EPS15: variants seen among roughly 807,000 people sequenced by gnomAD.
EPS15 encodes epidermal growth factor receptor substrate 15.
Under a neutral mutation model 113.8 loss-of-function variants are expected in EPS15, and 72 were observed. The ratio of observed to expected loss-of-function variants is 0.63; its 90% CI spans 0.52 to 0.77. The LOEUF (loss-of-function observed/expected upper bound fraction) is 0.77, where lower values mean the gene tolerates loss of function less well. Among genes scored for constraint, EPS15 ranks in the 30% least tolerant of loss-of-function variants. The pLI, the probability that EPS15 is intolerant of heterozygous loss-of-function variation, is 0.00. For synonymous variants in EPS15, 344 were observed against 363.4 expected (o/e 0.95, Z 0.61); for missense variants, 1,048 against 1,045.8 (o/e 1.00, Z -0.03).
intron 1 of EPS15, among the ~76,000 whole-genome samples, chr1:51,500,520 G>T (rs978589167): frequency 1.3e-5 from 2 of 151,968 alleles, no homozygotes; most frequent in African/African-American, 4.8e-5. Flanking sequence ...TGTGGTTTTT[G>T]TTTGTTTTGT....
intron 12 of EPS15, among the ~76,000 whole-genome samples, chr1:51,422,780 GC>G (rs1265954608): frequency 6.6e-6 from 1 of 152,198 alleles, no homozygotes; most frequent in Non-Finnish European, 1.5e-5. Flanking sequence ...GAGAGAAAAA[GC>G]TCAAAGAATT....
intron 21 of EPS15, chr1:51,372,975 C>T (rs2148364699): frequency 4.7e-6 from 2 of 429,568 alleles, no homozygotes; most frequent in East Asian, 8.0e-5. Context: ...CAGACATCAG[C>T]CTGCAGCAGT....
chr1:51,354,837 TA>T lies in EPS15; in HGVS notation c.*1862del. 1 of 200,830 alleles carries T rather than the reference TA, an allele frequency of 5.0e-6. No individual in the cohort carries two copies. Among genetic ancestry groups the T allele is most frequent in the East Asian group, 7.7e-5 (1 of 13,000 alleles). 12.4% of individuals were successfully genotyped at this position (200,830 alleles called of 1,614,324 possible). A position where few individuals can be genotyped will look rare whatever the true frequency, so the allele number is the denominator to read the frequency against. ...ATTTATTACATTGAAAGTTGGTGTT[TA>T]TAAGTTATAGATATTTAATATTTGA... On this transcript the variant is annotated 3_prime_UTR_variant, in exon 25 of 25. Coordinates refer to ENST00000371733, the MANE Select transcript of EPS15 (RefSeq NM_001981.3).
chr1:51,408,040 G>C, intron 15 of EPS15, 95 bp downstream of exon 15: 1 of 1,045,534 alleles, frequency 9.6e-7, no homozygotes, highest in Non-Finnish European at 1.5e-6. Flanking sequence ...CAGTAAACTA[G>C]GCAAGAGGTT....
At position 51,381,886 on chromosome 1, in the gene EPS15, A is replaced by G. The variant is rs960611073; in HGVS notation, c.2119+12495T>C. On this transcript the variant is annotated intron_variant, in intron 21 of 24. Coordinates refer to ENST00000371733, the MANE Select transcript of EPS15 (RefSeq NM_001981.3). ...GCTCAAATCAACAACCTAACTTTAC[A>G]CTGTAAAGGACCTAAAAAAAGAAAA... 3.3e-5 allele frequency among the ~76,000 whole-genome samples: 5 copies of G among 152,266 alleles called. No homozygotes were observed. In the East Asian group the frequency reaches 9.6e-4, roughly 29 times the overall value.
chr1:51,366,543 AAAGT>A (rs1245399173), intron 21 of EPS15, among the ~76,000 whole-genome samples: 8 of 152,214 alleles, frequency 5.3e-5, no homozygotes, highest in African/African-American at 1.9e-4. Flanking sequence ...ATTTATAGGT[AAAGT>A]AATAGCAAAT....
At chr1:51,462,505 G>A (rs1191688698) in intron 7 of EPS15, among the ~76,000 whole-genome samples, 1 of 152,120 alleles carries the variant, frequency 6.6e-6, no homozygotes, top group Non-Finnish European at 1.5e-5. Context: ...GCTGAAGCTG[G>A]TGATGATAAA....
At chr1:51,475,473 T>C (rs925615084) in intron 2 of EPS15, among the ~76,000 whole-genome samples, 1 of 152,236 alleles carries the variant, frequency 6.6e-6, no homozygotes, top group African/African-American at 2.4e-5. Context: ...TGCATAAATA[T>C]CTTCTTTTGA....
At chr1:51,503,127 A>C (rs1161753825) in intron 1 of EPS15, among the ~76,000 whole-genome samples, 1 of 152,208 alleles carries the variant, frequency 6.6e-6, no homozygotes, top group Admixed American at 6.5e-5. Flanking sequence ...CAAGACACTG[A>C]ACAAAATTAA....
intron 12 of EPS15, 53 bp downstream of exon 12, chr1:51,440,293 GT>G: frequency 1.5e-6 from 1 of 665,702 alleles, no homozygotes. Flanking sequence ...GTGTGTGTGT[GT>G]GTGTGTGTGT....
intron 19 of EPS15, among the ~76,000 whole-genome samples, chr1:51,399,493 A>G (rs1389617550): frequency 6.6e-6 from 1 of 151,086 alleles, no homozygotes; most frequent in Non-Finnish European, 1.5e-5. Flanking sequence ...CAGAGGCTGC[A>G]GTGAGCAAAG....
intron 6 of EPS15, among the ~76,000 whole-genome samples, chr1:51,464,961 T>G (rs116451882): frequency 0.032 from 4,884 of 152,338 alleles, 127 homozygotes; most frequent in Non-Finnish European, 0.05. Context: ...AACCAGAATT[T>G]TCAAGTAAGA....
At chr1:51,439,942 T>C (rs1435433033) in intron 12 of EPS15, among the ~76,000 whole-genome samples, 1 of 152,110 alleles carries the variant, frequency 6.6e-6, no homozygotes, top group Non-Finnish European at 1.5e-5. Flanking sequence ...AATGATAATG[T>C]TTTTCTAATA....
At position 51,423,921 on chromosome 1, in the gene EPS15, G is replaced by C. The variant is rs375985246; in HGVS notation, c.1041-2063C>G. On this transcript the variant is annotated intron_variant, in intron 12 of 24. Transcript: ENST00000371733. ...ACTACAAATTTCTCTTCATAATTTG[G>C]GGTCTATGGGGGAGGAAGAGGAAGG... Among the ~76,000 whole-genome samples the C allele has an allele frequency of 9.9e-5, 15 of 152,192 alleles. 1 individual carries two copies. Among genetic ancestry groups the C allele is most frequent in the African/African-American group, 3.6e-4 (15 of 41,526 alleles).
chr1:51,426,043 T>C (rs1651170017), intron 12 of EPS15, among the ~76,000 whole-genome samples: 1 of 152,142 alleles, frequency 6.6e-6, no homozygotes, highest in Non-Finnish European at 1.5e-5. Flanking sequence ...TAGAAATTCA[T>C]TATATGGTTT....
In EPS15 at chr1:51,500,985, A is replaced by T. The variant is rs1644401493; in HGVS notation, c.33+18214T>A. ...GGCAACAAGAGTAAAACTCCATCTC[A>T]AAAAAAAAAAATAAAGAAAGAAAAT... On this transcript the variant is annotated intron_variant, in intron 1 of 24. Transcript: ENST00000371733. Among the ~76,000 whole-genome samples, 3 of 128,040 alleles carry T rather than the reference A, an allele frequency of 2.3e-5. No homozygotes were observed. In the South Asian group the frequency reaches 6.8e-4, roughly 29 times the overall value. The allele number at this position is 128,040 out of a possible 152,430, so 84.0% of individuals were successfully genotyped here.
rs192624232 is a variant in EPS15, at chr1:51,512,970, G to A, written c.33+6229C>T. Among the ~76,000 whole-genome samples, 7 of 150,428 alleles carry A rather than the reference G, an allele frequency of 4.7e-5. No homozygotes were observed. In the South Asian group the frequency reaches 6.3e-4, roughly 14 times the overall value. ...CTCACCTGTAGCCTGCTAGGACTAC[G>A]GGCACACACCACCATGCCCAGCTAA... On this transcript the variant is annotated intron_variant, in intron 1 of 24. Transcript: ENST00000371733.
At chr1:51,399,710 TTAGCCAGGCGTGG>T (rs1374039299) in intron 19 of EPS15, among the ~76,000 whole-genome samples, 1 of 151,846 alleles carries the variant, frequency 6.6e-6, no homozygotes, top group Non-Finnish European at 1.5e-5. Context: ...AATACAAAAA[TTAGCCAGGCGTGG>T]TGGTGCGCGC....
chr1:51,356,935 C>G, intron 24 of EPS15, 89 bp from the exon 25 acceptor site: 2 of 1,069,828 alleles, frequency 1.9e-6, no homozygotes, highest in Non-Finnish European at 2.7e-6. Context: ...AAAAGGACAC[C>G]TGAAGGACTC....
Sources: gnomAD v4.1 joint callset for allele counts (sites outside exome capture counted in the v4.1 genomes callset) on GRCh38, gnomAD v4.1.1 for gene constraint, MANE v1.5 for transcripts, NCBI Gene and HGNC (gene_info 2026-07-23, HGNC 2026-07-21) for gene names.